POLA1: variants seen among roughly 807,000 people sequenced by gnomAD.
POLA1 encodes the protein DNA polymerase alpha 1, catalytic subunit.
A neutral mutation model predicts 124.0 loss-of-function variants in POLA1; 15 were observed. The ratio of observed to expected loss-of-function variants is 0.12; its 90% CI spans 0.08 to 0.19. The LOEUF (loss-of-function observed/expected upper bound fraction) is 0.19. Ranked by LOEUF, POLA1 falls within the 10% of genes least tolerant of loss-of-function variation. The pLI is 1.00. For missense variants in POLA1, 886 were observed against 1,103.4 expected, an observed-to-expected ratio of 0.80 and a Z score of 2.79; for synonymous variants, 408 against 389.4, an observed-to-expected ratio of 1.05 and a Z score of -0.56.
intron 36 of POLA1, among the ~76,000 whole-genome samples, chrX:24,965,850 C>T (rs751579964): frequency 2.2e-3 from 248 of 111,674 alleles, no homozygotes; most frequent in African/African-American, 7.7e-3. Flanking sequence ...CAGCTTTTTT[C>T]ATAGTTTTCA....
chrX:24,973,199 A>G (rs916891342), intron 36 of POLA1, among the ~76,000 whole-genome samples: 1 of 111,427 alleles, frequency 9.0e-6, no homozygotes, highest in Non-Finnish European at 1.9e-5. Context: ...TCTACTAAAA[A>G]TACAAAAAAT....
At chrX:24,755,661 A>G (rs1932563983) in intron 26 of POLA1, among the ~76,000 whole-genome samples, 1 of 111,686 alleles carries the variant, frequency 9.0e-6, no homozygotes, top group South Asian at 3.8e-4. Context: ...TTCATTATGC[A>G]GAAGTTTCTA....
chrX:24,761,945 A>G (rs186326303), intron 26 of POLA1, among the ~76,000 whole-genome samples: 17 of 112,143 alleles, frequency 1.5e-4, no homozygotes, highest in Non-Finnish European at 2.8e-4. Flanking sequence ...TAAACAAGAG[A>G]AAGGACCTGT....
At chrX:24,914,306 T>A (rs2047497366) in intron 35 of POLA1, among the ~76,000 whole-genome samples, 1 of 110,918 alleles carries the variant, frequency 9.0e-6, no homozygotes, top group African/African-American at 3.3e-5. Flanking sequence ...TTTAAGAACT[T>A]CTGTGAATGT....
chrX:24,830,827 A>C (rs1414684930), intron 32 of POLA1, among the ~76,000 whole-genome samples: 2 of 112,266 alleles, frequency 1.8e-5, no homozygotes, highest in African/African-American at 6.5e-5. Flanking sequence ...TTTATGTTTT[A>C]TGTATAACGG....
At chrX:24,875,820 C>T (rs1426441270) in intron 34 of POLA1, among the ~76,000 whole-genome samples, 1 of 111,944 alleles carries the variant, frequency 8.9e-6, no homozygotes, top group Non-Finnish European at 1.9e-5. Context: ...GGAGCTGCTT[C>T]TCTCTCGAGA....
At chrX:24,763,945 A>G (rs1023579505) in intron 26 of POLA1, among the ~76,000 whole-genome samples, 1 of 111,581 alleles carries the variant, frequency 9.0e-6, no homozygotes, top group Non-Finnish European at 1.9e-5. Flanking sequence ...CAGAACTGGA[A>G]TCCAGGCTCC....
At chrX:24,722,948 A>G (rs747573674) in intron 10 of POLA1, among the ~76,000 whole-genome samples, 17 of 112,396 alleles carry the variant, frequency 1.5e-4, no homozygotes, top group African/African-American at 5.5e-4. Flanking sequence ...CAGTGGTCAT[A>G]CACTGTATCA....
chrX:24,709,859 TC>T (rs1929251335), intron 4 of POLA1, among the ~76,000 whole-genome samples: 1 of 60,210 alleles, frequency 1.7e-5, no homozygotes, highest in Non-Finnish European at 3.1e-5. Flanking sequence ...GCTCCTCACT[TC>T]CTAGATGGGA....
At chrX:24,796,741 C>T (rs959020513) in intron 26 of POLA1, among the ~76,000 whole-genome samples, 2 of 111,355 alleles carry the variant, frequency 1.8e-5, no homozygotes, top group African/African-American at 6.5e-5. Context: ...CCTGAAATTC[C>T]TTACATCCCC....
chrX:24,889,900 T>C (rs901188477), intron 35 of POLA1, among the ~76,000 whole-genome samples: 1 of 111,576 alleles, frequency 9.0e-6, no homozygotes, highest in Non-Finnish European at 1.9e-5. Context: ...TAGGATAATA[T>C]ATCATTTCAC....
At chrX:24,879,166 G>T in intron 34 of POLA1, among the ~76,000 whole-genome samples, 1 of 111,362 alleles carries the variant, frequency 9.0e-6, no homozygotes, top group Middle Eastern at 4.6e-3. Flanking sequence ...CAGGAATGGC[G>T]TTGGAAGTAA....
intron 36 of POLA1, among the ~76,000 whole-genome samples, chrX:24,971,278 C>A (rs2048299341): frequency 8.9e-6 from 1 of 111,962 alleles, no homozygotes; most frequent in Non-Finnish European, 1.9e-5. Context: ...GCTTTAAATC[C>A]TGTGAAGCCG....
chrX:24,834,856 G>A (rs1230545012), intron 32 of POLA1, among the ~76,000 whole-genome samples: 2 of 110,756 alleles, frequency 1.8e-5, no homozygotes, highest in Non-Finnish European at 3.8e-5. Context: ...TGGTAGTAGA[G>A]AATATAAAAT....
intron 26 of POLA1, among the ~76,000 whole-genome samples, chrX:24,759,533 C>T (rs1360850180): frequency 8.9e-6 from 1 of 111,861 alleles, no homozygotes; most frequent in Non-Finnish European, 1.9e-5. Flanking sequence ...TAAAGAAGGT[C>T]TTGATATTTA....
chrX:24,732,384 A>G lies in POLA1; in HGVS notation c.1701A>G (p.Ala567=). ...TTTCTTTGCAGATTATTGCTATGGC[A>G]GCTTTGGTCCATCACAGTTTTGCAT... ...KNHQNEIIAM[A]ALVHHSFALD... is the part of the protein sequence containing the mutation. The change falls in exon 16 of 37, where the codon GCA becomes GCG. Residue 567 remains alanine, a synonymous_variant. Coordinates refer to ENST00000379068, the MANE Select transcript of POLA1 (RefSeq NM_001330360.2). 8.4e-7 allele frequency: 1 copy of G among 1,194,842 alleles called. No homozygotes were observed. The highest frequency in any genetic ancestry group is 1.7e-5 in the African/African-American group (1 of 57,479).
chrX:24,782,130 A>T (rs1027174383), intron 26 of POLA1, among the ~76,000 whole-genome samples: 16 of 112,186 alleles, frequency 1.4e-4, no homozygotes, highest in African/African-American at 5.2e-4. Flanking sequence ...TTCATCTGAA[A>T]TGAGAAGTAC....
chrX:24,971,079 A>T (rs1031723032), intron 36 of POLA1, among the ~76,000 whole-genome samples: 1 of 112,658 alleles, frequency 8.9e-6, no homozygotes, highest in Admixed American at 9.4e-5. Flanking sequence ...TAAAACACAG[A>T]TGTATAAATT....
intron 34 of POLA1, among the ~76,000 whole-genome samples, chrX:24,858,894 A>G (rs151311882): frequency 0.016 from 1,765 of 111,888 alleles, 33 homozygotes; most frequent in African/African-American, 0.052. Context: ...TATTGTTAAT[A>G]TACATTGTAT....
Sources: allele counts gnomAD v4.1 joint callset (sites outside exome capture counted in the v4.1 genomes callset), GRCh38; gene constraint gnomAD v4.1.1; transcripts MANE v1.5; gene names NCBI Gene and HGNC (gene_info 2026-07-23, HGNC 2026-07-21).